Variants in SPRTN observed in about 807,000 individuals in gnomAD.
SPRTN encodes SprT-like N-terminal domain.
In SPRTN, 11 loss-of-function variants were observed where a neutral mutation model predicts 31.9. The ratio of observed to expected loss-of-function variants is 0.34; its 90% CI spans 0.22 to 0.57. The LOEUF (loss-of-function observed/expected upper bound fraction) is 0.57, where lower values mean the gene tolerates loss of function less well. Ranked by LOEUF, SPRTN falls within the 20% of genes least tolerant of loss-of-function variation. SPRTN has a pLI of 0.86. For synonymous variants in SPRTN, 185 were observed against 212.1 expected (o/e 0.87, Z 1.11); for missense variants, 482 against 590.1 (o/e 0.82, Z 1.90).
At chr1:231,352,441 C>T (rs1333419380) in intron 4 of SPRTN, 169 bp from the exon 5 acceptor site, 4 of 1,310,846 alleles carry the variant, frequency 3.1e-6, no homozygotes, top group Non-Finnish European at 3.9e-6. Flanking sequence ...ATCAGAACTC[C>T]TGAATTCTGA....
chr1:231,338,757 G>A (rs979722764), intron 1 of SPRTN, among the ~76,000 whole-genome samples, 153 bp downstream of exon 1: 5 of 152,184 alleles, frequency 3.3e-5, no homozygotes, highest in African/African-American at 1.2e-4. Context: ...CTGCCTCGGC[G>A]TGTTTCTGTC....
In SPRTN at chr1:231,349,872, C is replaced by T. The variant is rs573318988; in HGVS notation, c.451-1432C>T. 3.9e-5 allele frequency among the ~76,000 whole-genome samples: 6 copies of T among 152,128 alleles called. No homozygotes were observed. In the East Asian group the frequency reaches 7.7e-4, roughly 20 times the overall value. On this transcript the variant is annotated intron_variant, in intron 3 of 4. Coordinates refer to ENST00000295050, the MANE Select transcript of SPRTN (RefSeq NM_032018.7). ...AAAAAAAATTCAAAAATTAGCTAAT[C>T]GTGGTAGCTCACGCCTGTATTCGCG...
intron 2 of SPRTN, among the ~76,000 whole-genome samples, chr1:231,346,271 C>G (rs796477906): frequency 2.7e-5 from 4 of 148,766 alleles, no homozygotes; most frequent in African/African-American, 1.0e-4. Context: ...TCACTGCAAC[C>G]TCTGCCTCCC....
intron 2 of SPRTN, among the ~76,000 whole-genome samples, chr1:231,344,070 T>G (rs188335387): frequency 5.6e-4 from 86 of 152,320 alleles, no homozygotes; most frequent in Middle Eastern, 3.4e-3. Flanking sequence ...TTTCAAGATG[T>G]TTTTTAATGT....
rs754439752 is a variant in SPRTN at position 231,353,155 on chromosome 1, A to G, written c.1264A>G (p.Ile422Val). 2.5e-6 allele frequency: 4 copies of G among 1,611,844 alleles called. No homozygotes were observed. Among genetic ancestry groups the G allele is most frequent in the Non-Finnish European group, 3.4e-6 (4 of 1,179,344 alleles). Residue 422 changes from isoleucine (I) to valine (V), a missense_variant, in exon 5 of 5, where the codon ATC becomes GTC. By Grantham distance (29) the Ile-to-Val change is conservative. Transcript: ENST00000295050. Reference sequence around the variant, plus strand: ...TAAGACTGTTTTTGACAATTTTTTTATCAAGAAAGAGCAAATAAAAAGCAG... The same window carrying G: ...TAAGACTGTTTTTGACAATTTTTTTGTCAAGAAAGAGCAAATAAAAAGCAG... ...EDKTVFDNFF[I>V]KKEQIKSSGN...
chr1:231,351,235 C>T, intron 3 of SPRTN, 69 bp from the exon 4 acceptor site: 1 of 1,197,700 alleles, frequency 8.3e-7, no homozygotes. Flanking sequence ...AAAAAGACTG[C>T]TTATGTAAAT....
At position 231,352,775 on chromosome 1, in the gene SPRTN, G is replaced by T; in HGVS notation, c.884G>T (p.Arg295Ile). ...LNQNHSANAV[R>I]PNSKIKVKFE... ...CAAAACCATTCAGCAAATGCTGTAA[G>T]ACCTAATTCTAAAATCAAGGTGAAA... is the stretch of plus-strand genomic sequence containing the variant. Residue 295 changes from arginine to isoleucine, a missense_variant, in exon 5 of 5, where the codon AGA becomes ATA. Around this residue, in one of 2 missense-constraint regions of SPRTN, gnomAD observed 325 missense variants for 350.2 expected, o/e 0.93. Coordinates refer to ENST00000295050, the MANE Select transcript of SPRTN (RefSeq NM_032018.7). 1 of 1,614,048 alleles carries T rather than the reference G, an allele frequency of 6.2e-7. No individual in the cohort carries two copies. Among genetic ancestry groups the T allele is most frequent in the Non-Finnish European group, 8.5e-7 (1 of 1,179,960 alleles).
At chr1:231,348,396 T>G (rs984720310) in intron 3 of SPRTN, among the ~76,000 whole-genome samples, 2 of 152,140 alleles carry the variant, frequency 1.3e-5, no homozygotes, top group Middle Eastern at 3.2e-3. Context: ...CTCCACCAAT[T>G]ATTAACTTTC....
At position 231,347,589 on chromosome 1, in the gene SPRTN, C is replaced by A. The variant is rs941615837; in HGVS notation, c.322-208C>A. ...ATGTTGCCCAGGTTGGTCTCCAACC[C>A]CTGGGCTCAAGTGACCCTCCCACCT... On this transcript the variant is annotated intron_variant, in intron 2 of 4. Transcript: ENST00000295050. 5 of 507,032 alleles carry A rather than the reference C, an allele frequency of 9.9e-6. No individual in the cohort carries two copies. In the East Asian group the frequency reaches 1.8e-4, roughly 18 times the overall value. 31.4% of individuals were successfully genotyped at this position (507,032 alleles called of 1,614,324 possible). A position where few individuals can be genotyped will look rare whatever the true frequency, so the allele number is the denominator to read the frequency against.
intron 4 of SPRTN, 42 bp from the exon 5 acceptor site, chr1:231,352,562 TTTTGAG>T (rs1687270213): frequency 6.6e-7 from 1 of 1,525,884 alleles, no homozygotes; most frequent in Non-Finnish European, 8.8e-7. Context: ...ACTGTATTTC[TTTTGAG>T]TTGAGGCACT....
chr1:231,353,049 G>A lies in SPRTN; in HGVS notation c.1158G>A (p.Thr386=), dbSNP rs755176587. ...KISLRNSSKV[T]ESASVMPSQD... The stretch of plus-strand genomic sequence containing the variant: ...CCCTAAGAAATTCTTCAAAAGTAAC[G>A]GAATCAGCATCTGTGATGCCATCCC... The change falls in exon 5 of 5, where the codon ACG becomes ACA. Residue 386 remains threonine (T), a synonymous_variant. Transcript: ENST00000295050. 32 of 1,613,988 alleles carry A rather than the reference G, an allele frequency of 2.0e-5. No homozygotes were observed. The highest frequency in any genetic ancestry group is 4.0e-5 in the African/African-American group (3 of 74,902).
intron 2 of SPRTN, among the ~76,000 whole-genome samples, chr1:231,346,197 T>C (rs1460566281): frequency 2.8e-5 from 4 of 142,848 alleles, no homozygotes; most frequent in Non-Finnish European, 4.6e-5. Flanking sequence ...TTTTTTTTTT[T>C]TTTTTTTTTT....
chr1:231,344,788 A>G (rs1207031328), intron 2 of SPRTN: 2 of 268,060 alleles, frequency 7.5e-6, no homozygotes, highest in Non-Finnish European at 1.7e-5. Context: ...AACCCCAGCA[A>G]TCTTAAATGC....
chr1:231,353,680 C>G lies in SPRTN; in HGVS notation c.*319C>G, dbSNP rs1017322566. The G allele has an allele frequency of 4.0e-6, 4 of 1,004,478 alleles. No homozygotes were observed. Among genetic ancestry groups the G allele is most frequent in the Non-Finnish European group, 3.6e-6 (3 of 838,602 alleles). 62.2% of individuals were successfully genotyped at this position (1,004,478 alleles called of 1,614,324 possible). A position where few individuals can be genotyped will look rare whatever the true frequency, so the allele number is the denominator to read the frequency against. ...GTTAATCTTTTTATTTGTATACTTT[C>G]CTAAAAATATTCATATGGGGAATCC... On this transcript the variant is annotated 3_prime_UTR_variant, in exon 5 of 5. Coordinates refer to ENST00000295050, the MANE Select transcript of SPRTN (RefSeq NM_032018.7).
intron 2 of SPRTN, among the ~76,000 whole-genome samples, chr1:231,345,939 A>G (rs1278772739): frequency 6.6e-6 from 1 of 152,038 alleles, no homozygotes; most frequent in East Asian, 1.9e-4. Flanking sequence ...CCGCCTCCTG[A>G]GTAGCTAGGA....
chr1:231,340,145 G>C (rs888976478), intron 2 of SPRTN: 16 of 248,888 alleles, frequency 6.4e-5, no homozygotes, highest in Non-Finnish European at 4.7e-5. Context: ...GGCGGATCAC[G>C]AGGTCAGAAG....
At chr1:231,342,378 A>G (rs182701947) in intron 2 of SPRTN, among the ~76,000 whole-genome samples, 8 of 152,310 alleles carry the variant, frequency 5.3e-5, no homozygotes, top group Non-Finnish European at 8.8e-5. Context: ...GGCCCCATAT[A>G]TAACAGTGGT....
rs935514071 is a variant in SPRTN, at chr1:231,338,767, C to T, written c.221+163C>T. 3.9e-5 allele frequency among the ~76,000 whole-genome samples: 6 copies of T among 152,326 alleles called. No homozygotes were observed. The South Asian group carries it at 1.0e-3, about 26-fold the overall frequency. On this transcript the variant is annotated intron_variant, in intron 1 of 4. Coordinates refer to ENST00000295050, the MANE Select transcript of SPRTN (RefSeq NM_032018.7). ...AATTCCTGCCTCGGCGTGTTTCTGT[C>T]TTCCTTACCTTTTCTCCCACTCGAA... is the stretch of plus-strand genomic sequence containing the variant.
chr1:231,350,097 C>T (rs1218251328), intron 3 of SPRTN, among the ~76,000 whole-genome samples: 1 of 152,160 alleles, frequency 6.6e-6, no homozygotes, highest in East Asian at 1.9e-4. Flanking sequence ...TGCGTGGTTT[C>T]CCGTGCTTCT....
Sources: allele counts gnomAD v4.1 joint callset (sites outside exome capture counted in the v4.1 genomes callset), GRCh38; gene constraint gnomAD v4.1.1; regional missense constraint gnomAD v4.1.1; transcripts MANE v1.5; gene names NCBI Gene and HGNC (gene_info 2026-07-23, HGNC 2026-07-21).